The following ADGRF5 variants were observed in gnomAD, a reference collection of about 807,000 sequenced individuals.
The protein encoded by ADGRF5 is G-protein coupled receptor 116.
Under a neutral mutation model 132.3 loss-of-function variants are expected in ADGRF5, and 75 were observed. That is an observed-to-expected ratio of 0.57 (90% CI 0.47 to 0.69). The LOEUF (loss-of-function observed/expected upper bound fraction) is 0.69, where lower values mean the gene tolerates loss of function less well. Among genes scored for constraint, ADGRF5 ranks in the 30% least tolerant of loss-of-function variants. The pLI is 0.00. For missense variants in ADGRF5, 1,516 were observed against 1,630.6 expected (o/e 0.93, Z 1.21); for synonymous variants, 629 against 597.6 (o/e 1.05, Z -0.77).
Position 46,868,941 on chromosome 6 carries a change from C to T in ADGRF5, c.1563G>A (p.Arg521=). 6.2e-7 allele frequency: 1 copy of T among 1,613,732 alleles called. No homozygotes were observed. The highest frequency in any genetic ancestry group is 1.7e-4 in the Middle Eastern group (1 of 6,060). The change falls in exon 12 of 21, where the codon AGG becomes AGA. Residue 521 remains arginine (R), a synonymous_variant. Transcript: ENST00000283296. The part of the protein sequence containing the change: ...KIYQRFYTTR[R]YLDGAESVLT... ...GTACTGATTCTGCTCCATCAAGATA[C>T]CTCCTCGTGGTATAAAATCTTTGGT...
At chr6:46,952,637 A>G (rs976323073) in intron 1 of ADGRF5, among the ~76,000 whole-genome samples, 1 of 152,260 alleles carries the variant, frequency 6.6e-6, no homozygotes, top group Non-Finnish European at 1.5e-5. Context: ...TCCTTGGAAG[A>G]TTCAAACTAT....
intron 10 of ADGRF5, among the ~76,000 whole-genome samples, chr6:46,876,267 C>T (rs1771640745): frequency 1.3e-5 from 2 of 152,234 alleles, no homozygotes. Context: ...ATCCATTGTT[C>T]TGCAGTCATT....
Position 46,860,709 on chromosome 6 carries a change from A to T in ADGRF5, c.2379+6T>A, listed in dbSNP as rs758045249. 6.2e-7 allele frequency: 1 copy of T among 1,608,140 alleles called. No individual in the cohort carries two copies. The highest frequency in any genetic ancestry group is 2.2e-5 in the East Asian group (1 of 44,734). The stretch of plus-strand genomic sequence containing the variant: ...CAAAACTCCTGCAAAGGTTAAGCAA[A>T]CTCACCGTCATCATTTCTGAATTTA... On this transcript the variant is annotated splice_donor_region_variant and intron_variant, in intron 16 of 20. Transcript: ENST00000283296.
intron 9 of ADGRF5, among the ~76,000 whole-genome samples, chr6:46,879,326 T>C (rs1772185755): frequency 6.6e-6 from 1 of 152,096 alleles, no homozygotes; most frequent in Non-Finnish European, 1.5e-5. Context: ...CCAAATCTCA[T>C]GTCGAATTAT....
Position 46,865,031 on chromosome 6 carries a change from A to G in ADGRF5, c.1990+11T>C. On this transcript the variant is annotated intron_variant, in intron 14 of 20. Coordinates refer to ENST00000283296, the MANE Select transcript of ADGRF5 (RefSeq NM_001098518.2). ...ACTATAACATCTTAAAGTAATTTAA[A>G]ACGTTCTTACCAGGAACCAGATTCA... The G allele has an allele frequency of 6.4e-7, 1 of 1,572,976 alleles. No homozygotes were observed. The highest frequency in any genetic ancestry group is 1.7e-4 in the Middle Eastern group (1 of 5,906).
At chr6:46,889,291 A>G (rs1269608268) in intron 3 of ADGRF5, among the ~76,000 whole-genome samples, 1 of 145,286 alleles carries the variant, frequency 6.9e-6, no homozygotes, top group Non-Finnish European at 1.5e-5. Flanking sequence ...TATAGTATAT[A>G]TAGTACAGTA....
rs536810898 is a variant in ADGRF5, at chr6:46,908,531, C to G, written c.-24-1745G>C. ...CACATACTAGAAGGACTAGAGCTGG[C>G]TCCATATCTTTCTACGATTTCCCAG... is the stretch of plus-strand genomic sequence containing the variant. On this transcript the variant is annotated intron_variant, in intron 1 of 20. Coordinates refer to ENST00000283296, the MANE Select transcript of ADGRF5 (RefSeq NM_001098518.2). Among the ~76,000 whole-genome samples, 3 of 152,246 alleles carry G rather than the reference C, an allele frequency of 2.0e-5. No individual in the cohort carries two copies. In the South Asian group the frequency reaches 6.2e-4, roughly 32 times the overall value.
rs1487865499 is a variant in ADGRF5 at position 46,863,345 on chromosome 6, G to A, written c.1991-249C>T. On this transcript the variant is annotated intron_variant, in intron 14 of 20. Transcript: ENST00000283296. ...TAACAGAATTTTATACCTTCATCTG[G>A]AGATTCTCAACTGTGACATATTAGA... The A allele has an allele frequency of 1.2e-5, 7 of 569,662 alleles. No homozygotes were observed. In the East Asian group the frequency reaches 2.9e-4, roughly 24 times the overall value. 35.3% of individuals were successfully genotyped at this position (569,662 alleles called of 1,614,324 possible).
At position 46,878,238 on chromosome 6, in the gene ADGRF5, C is replaced by G; in HGVS notation, c.1204G>C (p.Val402Leu). The change falls in exon 10 of 21, where the codon GTA (valine) becomes CTA (leucine). Residue 402 changes from valine to leucine, a missense_variant. By Grantham distance (32) the Val-to-Leu change is conservative. Transcript: ENST00000283296. ...ATTTTTCCTTCCTGCTTCCATTCTACTTTGCTCCAATTAACATTACCCTGA... is the reference window on the plus strand; with the variant it reads ...ATTTTTCCTTCCTGCTTCCATTCTAGTTTGCTCCAATTAACATTACCCTGA... ...CSQGNVNWSK[V>L]EWKQEGKINI... 1 of 1,613,342 alleles carries G rather than the reference C, an allele frequency of 6.2e-7. No homozygotes were observed.
intron 16 of ADGRF5, 136 bp from the exon 17 acceptor site, chr6:46,859,659 G>GT: frequency 3.2e-6 from 2 of 617,646 alleles, no homozygotes; most frequent in African/African-American, 1.8e-5. Flanking sequence ...ATCACAGGCA[G>GT]TGGGGATGTA....
At chr6:46,918,330 A>T (rs553672600) in intron 1 of ADGRF5, among the ~76,000 whole-genome samples, 1 of 152,222 alleles carries the variant, frequency 6.6e-6, no homozygotes, top group Non-Finnish European at 1.5e-5. Flanking sequence ...AAGGAGACAA[A>T]CATTGCACTG....
At chr6:46,911,515 A>ACAAT (rs752273457) in intron 1 of ADGRF5, among the ~76,000 whole-genome samples, 1 of 152,192 alleles carries the variant, frequency 6.6e-6, no homozygotes, top group Non-Finnish European at 1.5e-5. Flanking sequence ...CTAACCCCAC[A>ACAAT]CAATCACTGC....
intron 1 of ADGRF5, among the ~76,000 whole-genome samples, chr6:46,943,639 C>T (rs1778183213): frequency 6.6e-6 from 1 of 152,120 alleles, no homozygotes; most frequent in African/African-American, 2.4e-5. Context: ...GTTAGCTACT[C>T]CCATTTTAGA....
intron 1 of ADGRF5, among the ~76,000 whole-genome samples, chr6:46,934,190 T>C (rs1285457020): frequency 1.3e-5 from 2 of 152,022 alleles, no homozygotes; most frequent in East Asian, 3.9e-4. Flanking sequence ...TGTCTCTCTC[T>C]CTCTCTCAAA....
intron 1 of ADGRF5, among the ~76,000 whole-genome samples, chr6:46,934,181 G>GTCTC (rs151319461): frequency 4.6e-5 from 7 of 151,208 alleles, no homozygotes; most frequent in Non-Finnish European, 5.9e-5. Context: ...ATCCACTAAT[G>GTCTC]TCTCTCTCTC....
upstream of ADGRF5, among the ~76,000 whole-genome samples, chr6:46,922,810 T>G (rs966050910): frequency 3.9e-5 from 6 of 152,198 alleles, no homozygotes; most frequent in South Asian, 2.1e-4. Flanking sequence ...CAAGAGTATC[T>G]TCAGGGAATT....
Position 46,878,284 on chromosome 6 carries a change from A to C in ADGRF5, c.1158T>G (p.Pro386=). 6.2e-7 allele frequency: 1 copy of C among 1,613,770 alleles called. No individual in the cohort carries two copies. Among genetic ancestry groups the C allele is most frequent in the Non-Finnish European group, 8.5e-7 (1 of 1,179,668 alleles). ...CCTGACTGCAGCAGTTCAAAGATAC[A>C]GGATTGTTGTCGCACATCACCTTCA... ...EEMKVMCDNN[P]VSLNCCSQGN... is the part of the protein sequence containing the mutation. The change falls in exon 10 of 21, where the codon CCT becomes CCG. Residue 386 remains proline (P), a synonymous_variant. Transcript: ENST00000283296.
chr6:46,884,452 T>G (rs999978281), intron 4 of ADGRF5, among the ~76,000 whole-genome samples, 181 bp from the exon 5 acceptor site: 7 of 152,238 alleles, frequency 4.6e-5, no homozygotes, highest in African/African-American at 1.7e-4. Flanking sequence ...ACCATGCTAT[T>G]AGCCATGACA....
In ADGRF5 at chr6:46,873,249, C is replaced by A. The variant is rs147009495; in HGVS notation, c.1241-1236G>T. Among the ~76,000 whole-genome samples the A allele has an allele frequency of 2.1e-4, 32 of 152,242 alleles. No individual in the cohort carries two copies. In the Middle Eastern group the frequency reaches 0.014, roughly 65 times the overall value. ...TTCCCCAGTCTGAATGCTCCCTAGC[C>A]ACCACTGCATTTCTTCCTCTCTTCA... On this transcript the variant is annotated intron_variant, in intron 10 of 20. Coordinates refer to ENST00000283296, the MANE Select transcript of ADGRF5 (RefSeq NM_001098518.2).
Sources: allele counts gnomAD v4.1 joint callset (sites outside exome capture counted in the v4.1 genomes callset), GRCh38; gene constraint gnomAD v4.1.1; transcripts MANE v1.5; gene names NCBI Gene and HGNC (gene_info 2026-07-23, HGNC 2026-07-21).